NCOA7: variants seen among roughly 807,000 people sequenced by gnomAD.
NCOA7 encodes the protein nuclear receptor coactivator 7, also known as 140 kDa estrogen receptor-associated protein.
A neutral mutation model predicts 104.3 loss-of-function variants in NCOA7; 45 were observed. The observed-to-expected ratio is 0.43, with a 90% CI of 0.34 to 0.55. NCOA7 has a LOEUF of 0.55. NCOA7 is among the 20% of genes least tolerant of loss of function. NCOA7 has a pLI of 0.02. For missense variants in NCOA7, 1,041 were observed against 1,119.7 expected (o/e 0.93, Z 1.00); for synonymous variants, 398 against 402.3 (o/e 0.99, Z 0.13).
intron 3 of NCOA7, chr6:125,855,695 T>C (rs1781493246): frequency 6.5e-6 from 1 of 153,134 alleles, no homozygotes; most frequent in Non-Finnish European, 1.5e-5. Flanking sequence ...CTAGGAGTCT[T>C]TTTTTTGAGA....
chr6:125,873,368 G>T (rs1468906614), intron 3 of NCOA7, among the ~76,000 whole-genome samples: 3 of 152,052 alleles, frequency 2.0e-5, no homozygotes, highest in African/African-American at 7.2e-5. Flanking sequence ...ATGTACCTAT[G>T]AAAATTATTT....
rs561729182 is a variant in NCOA7, at chr6:125,886,120, A to G, written c.884+777A>G. 2.7e-5 allele frequency among the ~76,000 whole-genome samples: 4 copies of G among 150,478 alleles called. No homozygotes were observed. The East Asian group carries it at 7.9e-4, about 30-fold the overall frequency. On this transcript the variant is annotated intron_variant, in intron 8 of 15. Coordinates refer to ENST00000392477, the MANE Select transcript of NCOA7 (RefSeq NM_181782.5). ...CAGTGATGGGAAGAGGCAAAGCAGT[A>G]GGTCCTAACAGTAAAGAGGGAAACT...
At chr6:125,802,166 T>G (rs911687133) in intron 1 of NCOA7, 2 of 152,200 alleles carry the variant, frequency 1.3e-5, no homozygotes, top group South Asian at 2.1e-4. Context: ...TATGTGGTTT[T>G]GATCTTTCTG....
intron 10 of NCOA7, among the ~76,000 whole-genome samples, chr6:125,905,633 T>C (rs1182785556): frequency 6.6e-6 from 1 of 151,966 alleles, no homozygotes; most frequent in African/African-American, 2.4e-5. Flanking sequence ...AAAGGGCATA[T>C]ACAGAAAGGT....
chr6:125,843,969 T>C (rs1432268451), intron 2 of NCOA7, among the ~76,000 whole-genome samples: 1 of 152,222 alleles, frequency 6.6e-6, no homozygotes, highest in Non-Finnish European at 1.5e-5. Flanking sequence ...GGGGGATGCT[T>C]ATAAGGTTTT....
intron 2 of NCOA7, among the ~76,000 whole-genome samples, chr6:125,831,903 C>T (rs1448397405): frequency 6.6e-6 from 1 of 152,194 alleles, no homozygotes; most frequent in Non-Finnish European, 1.5e-5. Flanking sequence ...GCCTTCTCGC[C>T]ATCCCCTATA....
upstream of NCOA7, among the ~76,000 whole-genome samples, chr6:125,787,125 G>GAAAA (rs78334930): frequency 8.4e-6 from 1 of 118,792 alleles, no homozygotes; most frequent in Non-Finnish European, 1.8e-5. Flanking sequence ...CTGTCTGGAA[G>GAAAA]AAAAAAAAAA....
intron 10 of NCOA7, among the ~76,000 whole-genome samples, chr6:125,905,542 G>A (rs568959330): frequency 9.9e-5 from 15 of 152,264 alleles, no homozygotes; most frequent in African/African-American, 2.6e-4. Context: ...GATTACAGGC[G>A]TGAGCCACCG....
At chr6:125,856,245 G>A (rs1014867906) in intron 3 of NCOA7, among the ~76,000 whole-genome samples, 3 of 151,908 alleles carry the variant, frequency 2.0e-5, no homozygotes, top group African/African-American at 7.3e-5. Flanking sequence ...ATGAAATGTG[G>A]TCTCATAGCA....
At chr6:125,807,006 C>T (rs1776525537) in intron 1 of NCOA7, among the ~76,000 whole-genome samples, 1 of 152,150 alleles carries the variant, frequency 6.6e-6, no homozygotes, top group South Asian at 2.1e-4. Context: ...AACGGTTGCT[C>T]AGTATGTGCC....
intron 2 of NCOA7, among the ~76,000 whole-genome samples, chr6:125,837,233 AGTTT>A (rs2128599303): frequency 6.6e-6 from 1 of 152,206 alleles, no homozygotes; most frequent in East Asian, 1.9e-4. Flanking sequence ...CCCGGATTGA[AGTTT>A]GTTTCTCATT....
At chr6:125,845,749 G>A (rs1780550319) in intron 2 of NCOA7, among the ~76,000 whole-genome samples, 1 of 152,270 alleles carries the variant, frequency 6.6e-6, no homozygotes, top group Admixed American at 6.5e-5. Flanking sequence ...CCTGGTGACA[G>A]AGCAAGACTC....
chr6:125,807,361 A>G (rs770931756), intron 1 of NCOA7, among the ~76,000 whole-genome samples: 2 of 152,186 alleles, frequency 1.3e-5, no homozygotes, highest in Non-Finnish European at 2.9e-5. Context: ...ATCTTGATGT[A>G]GTCTAATCCT....
chr6:125,850,169 A>G (rs142656377), intron 2 of NCOA7, among the ~76,000 whole-genome samples: 6 of 152,324 alleles, frequency 3.9e-5, no homozygotes, highest in African/African-American at 1.4e-4. Context: ...CTCCTTTGTA[A>G]AAAGTGTTAG....
At chr6:125,888,890 G>C in intron 8 of NCOA7, 49 bp from the exon 9 acceptor site, 2 of 1,396,770 alleles carry the variant, frequency 1.4e-6, no homozygotes, top group Non-Finnish European at 1.9e-6. Flanking sequence ...TTTTGTTTTT[G>C]GTTTTATTTT....
At position 125,915,459 on chromosome 6, in the gene NCOA7, G is replaced by A. The variant is rs147659124; in HGVS notation, c.2223G>A (p.Glu741=). Residue 741 remains glutamate (E), a synonymous_variant, in exon 11 of 16, where the codon GAG becomes GAA. Transcript: ENST00000392477. ...ACATGATTGACAACTTCTTCAGTGAGCCAACAACCAAGAGCTGGGAGGTGA... is the reference window on the plus strand; with the variant it reads ...ACATGATTGACAACTTCTTCAGTGAACCAACAACCAAGAGCTGGGAGGTGA... ...ELNMIDNFFS[E]PTTKSWEIIT... is the part of the protein sequence containing the mutation. 148 of 1,613,702 alleles carry A rather than the reference G, an allele frequency of 9.2e-5. No homozygotes were observed. Among genetic ancestry groups the A allele is most frequent in the Non-Finnish European group, 1.2e-4 (139 of 1,179,776 alleles).
At chr6:125,874,161 CTAAAAATACAAAAAT>C (rs1339202907) in intron 3 of NCOA7, among the ~76,000 whole-genome samples, 1 of 152,100 alleles carries the variant, frequency 6.6e-6, no homozygotes, top group African/African-American at 2.4e-5. Context: ...CCTGTCTCTA[CTAAAAATACAAAAAT>C]TAGCCGGACA....
rs1381773719 is a variant in NCOA7, at chr6:125,931,513, C to T, written c.*2742C>T. 6.6e-6 allele frequency: 1 copy of T among 152,176 alleles called. No homozygotes were observed. The highest frequency in any genetic ancestry group is 1.5e-5 in the Non-Finnish European group (1 of 68,040). The allele number at this position is 152,176 out of a possible 1,614,324, so 9.4% of individuals were successfully genotyped here. On this transcript the variant is annotated 3_prime_UTR_variant, in exon 16 of 16. Transcript: ENST00000392477. ...GGGCTAGATGAAGACCCCAAGCAGTCTTCATTGCTTCATAATTCCTCAGTT... is the reference window on the plus strand; with the variant it reads ...GGGCTAGATGAAGACCCCAAGCAGTTTTCATTGCTTCATAATTCCTCAGTT...
At chr6:125,826,422 A>C (rs1463905777) in intron 2 of NCOA7, among the ~76,000 whole-genome samples, 1 of 152,036 alleles carries the variant, frequency 6.6e-6, no homozygotes, top group Admixed American at 6.6e-5. Flanking sequence ...AATATATGTA[A>C]TCTTTACCTC....
Sources: allele counts gnomAD v4.1 joint callset (sites outside exome capture counted in the v4.1 genomes callset), GRCh38; gene constraint gnomAD v4.1.1; transcripts MANE v1.5; gene names NCBI Gene and HGNC (gene_info 2026-07-23, HGNC 2026-07-21).